Variants in ZNF385B observed in about 807,000 individuals in gnomAD.
The protein encoded by ZNF385B is zinc finger protein 533.
ZNF385B carries 23 observed loss-of-function variants against 39.2 expected under a neutral mutation model. That is an observed-to-expected ratio of 0.59 (90% CI 0.42 to 0.83). ZNF385B has a LOEUF of 0.83. Among genes scored for constraint, ZNF385B ranks in the 40% least tolerant of loss-of-function variants. The pLI is 0.00. For missense variants in ZNF385B, 552 were observed against 598.9 expected (o/e 0.92, Z 0.82); for synonymous variants, 205 against 222.6 (o/e 0.92, Z 0.70).
At chr2:179,491,800 G>A (rs936366074) in intron 5 of ZNF385B, among the ~76,000 whole-genome samples, 23 of 152,250 alleles carry the variant, frequency 1.5e-4, no homozygotes, top group East Asian at 7.7e-4. Flanking sequence ...CTGGGCTCAC[G>A]CTGTCCTCCT....
At chr2:179,557,461 G>A (rs1025350805) in intron 3 of ZNF385B, among the ~76,000 whole-genome samples, 1 of 151,138 alleles carries the variant, frequency 6.6e-6, no homozygotes, top group Non-Finnish European at 1.5e-5. Flanking sequence ...GATTATAACA[G>A]TTTATTTTAT....
chr2:179,759,773 CTTAT>C (rs902664760), intron 3 of ZNF385B, among the ~76,000 whole-genome samples: 2 of 152,074 alleles, frequency 1.3e-5, no homozygotes, highest in African/African-American at 4.8e-5. Context: ...TTGCAATTCA[CTTAT>C]TTAAATATTT....
chr2:179,583,969 A>G, intron 3 of ZNF385B: 2 of 1,302,152 alleles, frequency 1.5e-6, no homozygotes, highest in Non-Finnish European at 2.0e-6. Flanking sequence ...ATACATTCAT[A>G]TTTACCGAGC....
intron 4 of ZNF385B, among the ~76,000 whole-genome samples, chr2:179,522,583 C>A (rs1348736538): frequency 6.6e-6 from 1 of 152,112 alleles, no homozygotes; most frequent in Non-Finnish European, 1.5e-5. Flanking sequence ...ACTGGAGGTA[C>A]TGCAACTACA....
intron 1 of ZNF385B, among the ~76,000 whole-genome samples, chr2:179,807,850 A>G (rs976767610): frequency 9.4e-5 from 14 of 148,210 alleles, no homozygotes; most frequent in East Asian, 6.3e-4. Flanking sequence ...AGCTGAGATC[A>G]CGCCACTGCA....
At chr2:179,821,929 T>C (rs548210334) in intron 1 of ZNF385B, among the ~76,000 whole-genome samples, 2 of 152,024 alleles carry the variant, frequency 1.3e-5, no homozygotes, top group South Asian at 4.1e-4. Context: ...AAAGCTGAGA[T>C]AATTCATTAG....
intron 3 of ZNF385B, chr2:179,584,022 T>G (rs899469245): frequency 9.5e-7 from 1 of 1,057,930 alleles, no homozygotes; most frequent in Non-Finnish European, 1.3e-6. Flanking sequence ...TGTGTACACA[T>G]TGTTGAAGAA....
At chr2:179,724,865 G>A (rs1700906749) in intron 3 of ZNF385B, among the ~76,000 whole-genome samples, 1 of 152,088 alleles carries the variant, frequency 6.6e-6, no homozygotes, top group East Asian at 1.9e-4. Context: ...AATAGTGTCT[G>A]CACAAATAAA....
Position 179,691,527 on chromosome 2 carries a change from A to C in ZNF385B, c.298+77976T>G, listed in dbSNP as rs550959918. On this transcript the variant is annotated intron_variant, in intron 3 of 9. Transcript: ENST00000410066. ...ACTGGAGAAACTCCGAGGAACAAAA[A>C]CACACAGAACCTCACATCCTGATGA... 1.7e-3 allele frequency among the ~76,000 whole-genome samples: 265 copies of C among 152,338 alleles called. 4 individuals are homozygous for C. Among genetic ancestry groups the C allele is most frequent in the Non-Finnish European group, 1.2e-3 (81 of 68,024 alleles).
Position 179,509,496 on chromosome 2 carries a change from T to C in ZNF385B, c.552+9032A>G, listed in dbSNP as rs561118838. On this transcript the variant is annotated intron_variant, in intron 5 of 9. Transcript: ENST00000410066. ...GTAATCATGCTATAATTCTGTCATA[T>C]TGAAGCAAAAAATGTTCATCATTTT... 1.5e-3 allele frequency among the ~76,000 whole-genome samples: 223 copies of C among 152,298 alleles called. 1 individual carries two copies. The highest frequency in any genetic ancestry group is 3.3e-3 in the South Asian group (16 of 4,824).
intron 1 of ZNF385B, among the ~76,000 whole-genome samples, chr2:179,843,565 C>A (rs896764943): frequency 1.2e-4 from 18 of 152,206 alleles, no homozygotes; most frequent in Non-Finnish European, 1.0e-4. Context: ...ACAGTAACTG[C>A]CTCTCTCTTT....
chr2:179,511,169 C>G (rs1285884912), intron 5 of ZNF385B, among the ~76,000 whole-genome samples: 2 of 152,062 alleles, frequency 1.3e-5, no homozygotes, highest in East Asian at 3.9e-4. Context: ...GGTCTGGTGG[C>G]AAAGGAAGAT....
chr2:179,524,829 T>TG (rs1412362302), intron 4 of ZNF385B, among the ~76,000 whole-genome samples: 1 of 152,106 alleles, frequency 6.6e-6, no homozygotes, highest in Non-Finnish European at 1.5e-5. Flanking sequence ...ACCCATACTT[T>TG]GGGTTTTTTT....
chr2:179,618,313 T>A (rs1264306546), intron 3 of ZNF385B, among the ~76,000 whole-genome samples: 1 of 152,184 alleles, frequency 6.6e-6, no homozygotes, highest in Non-Finnish European at 1.5e-5. Flanking sequence ...CTACATACCT[T>A]TTCATGGTCA....
At chr2:179,587,561 A>G (rs1181748392) in intron 3 of ZNF385B, among the ~76,000 whole-genome samples, 2 of 152,252 alleles carry the variant, frequency 1.3e-5, no homozygotes, top group Non-Finnish European at 2.9e-5. Context: ...TAAAGACCTT[A>G]AAGAGCCCAT....
intron 4 of ZNF385B, among the ~76,000 whole-genome samples, chr2:179,528,162 TAA>T (rs1268099888): frequency 6.6e-6 from 1 of 152,208 alleles, no homozygotes; most frequent in Non-Finnish European, 1.5e-5. Flanking sequence ...ACCTGTAGAC[TAA>T]GAGACACGCT....
At chr2:179,505,003 T>C (rs556055533) in intron 5 of ZNF385B, among the ~76,000 whole-genome samples, 37 of 152,114 alleles carry the variant, frequency 2.4e-4, no homozygotes, top group African/African-American at 8.9e-4. Context: ...CCAAACCACA[T>C]CACTGTATAA....
intron 3 of ZNF385B, among the ~76,000 whole-genome samples, chr2:179,760,690 T>C (rs1049784513): frequency 1.3e-5 from 2 of 152,082 alleles, no homozygotes; most frequent in African/African-American, 4.8e-5. Flanking sequence ...TCCAGGATTA[T>C]ACAGGTGAGC....
At chr2:179,451,189 A>G (rs2050107462) in intron 6 of ZNF385B, among the ~76,000 whole-genome samples, 1 of 151,490 alleles carries the variant, frequency 6.6e-6, no homozygotes, top group Non-Finnish European at 1.5e-5. Context: ...AACATGGCAC[A>G]TGTATACATA....
Sources: gnomAD v4.1 joint callset for allele counts (sites outside exome capture counted in the v4.1 genomes callset) on GRCh38, gnomAD v4.1.1 for gene constraint, MANE v1.5 for transcripts, NCBI Gene and HGNC (gene_info 2026-07-23, HGNC 2026-07-21) for gene names.